RBFOX1: variants seen among roughly 807,000 people sequenced by gnomAD.
RBFOX1 encodes RNA binding fox-1 homolog 1.
A neutral mutation model predicts 57.7 loss-of-function variants in RBFOX1; 8 were observed. The ratio of observed to expected loss-of-function variants is 0.14; its 90% CI spans 0.08 to 0.25. The LOEUF (loss-of-function observed/expected upper bound fraction) is 0.25. RBFOX1 is among the 10% of genes least tolerant of loss of function. The pLI, the probability that RBFOX1 is intolerant of heterozygous loss-of-function variation, is 1.00. For synonymous variants in RBFOX1, 326 were observed against 222.4 expected (o/e 1.47, Z -4.15); for missense variants, 611 against 548.5 (o/e 1.11, Z -1.14).
chr16:7,570,818 A>G (rs528137116), intron 5 of RBFOX1, among the ~76,000 whole-genome samples: 36 of 152,366 alleles, frequency 2.4e-4, no homozygotes, highest in African/African-American at 8.7e-4. Flanking sequence ...TCACAATAGC[A>G]AAGACATGGA....
chr16:5,564,507 G>C (rs1173755075), intron 2 of RBFOX1, among the ~76,000 whole-genome samples: 2 of 152,084 alleles, frequency 1.3e-5, no homozygotes, highest in Non-Finnish European at 2.9e-5. Context: ...CATAGAACAA[G>C]TTTCATAACA....
At chr16:7,042,485 A>C (rs1018607116) in intron 3 of RBFOX1, among the ~76,000 whole-genome samples, 5 of 152,352 alleles carry the variant, frequency 3.3e-5, no homozygotes, top group African/African-American at 9.6e-5. Context: ...GCTAAAATCA[A>C]ATCAGCTAAT....
intron 4 of RBFOX1, among the ~76,000 whole-genome samples, chr16:7,427,528 CTTCTGAGACATTAGGCCATCCT>C (rs1029167148): frequency 6.6e-6 from 1 of 152,196 alleles, no homozygotes; most frequent in African/African-American, 2.4e-5. Flanking sequence ...CTCTAACCAA[CTTCTGAGACATTAGGCCATCCT>C]TTCCCCTCCA....
At chr16:5,950,240 A>G (rs188264140) in intron 4 of RBFOX1, among the ~76,000 whole-genome samples, 17 of 152,338 alleles carry the variant, frequency 1.1e-4, no homozygotes, top group African/African-American at 3.8e-4. Context: ...ACATTCACTA[A>G]GCATAAAGCT....
At chr16:6,170,581 A>T (rs1482433813) in intron 1 of RBFOX1, among the ~76,000 whole-genome samples, 1 of 152,182 alleles carries the variant, frequency 6.6e-6, no homozygotes, top group Non-Finnish European at 1.5e-5. Flanking sequence ...ATTAATTATG[A>T]TGTAGAGCTT....
At chr16:7,008,557 C>T (rs547491694) in intron 3 of RBFOX1, among the ~76,000 whole-genome samples, 1 of 151,830 alleles carries the variant, frequency 6.6e-6, no homozygotes, top group East Asian at 1.9e-4. Flanking sequence ...AAGTAGAATT[C>T]AGTGAACAAG....
At chr16:7,558,492 T>A (rs1245382878) in intron 5 of RBFOX1, among the ~76,000 whole-genome samples, 1 of 152,050 alleles carries the variant, frequency 6.6e-6, no homozygotes, top group African/African-American at 2.4e-5. Context: ...TGTGTACACA[T>A]ATTTTCGTAT....
chr16:6,108,925 C>T (rs1406159328), intron 1 of RBFOX1, among the ~76,000 whole-genome samples: 1 of 152,154 alleles, frequency 6.6e-6, no homozygotes, highest in Non-Finnish European at 1.5e-5. Context: ...AGAATAATCA[C>T]CCCATCTGAA....
intron 3 of RBFOX1, among the ~76,000 whole-genome samples, chr16:6,841,231 C>T (rs920753255): frequency 1.3e-5 from 2 of 152,040 alleles, no homozygotes; most frequent in African/African-American, 2.4e-5. Context: ...TAATAATGGT[C>T]AGTTATCCTG....
intron 1 of RBFOX1, among the ~76,000 whole-genome samples, chr16:6,218,061 T>C (rs1020138780): frequency 2.6e-5 from 4 of 152,142 alleles, no homozygotes; most frequent in African/African-American, 4.8e-5. Flanking sequence ...AGTTGTGTAA[T>C]CAGTTCTGAA....
chr16:6,086,036 A>G (rs1470834418), intron 1 of RBFOX1, among the ~76,000 whole-genome samples: 1 of 151,626 alleles, frequency 6.6e-6, no homozygotes, highest in Admixed American at 6.6e-5. Context: ...ATGTCTTCTC[A>G]TTGTTCAGCT....
chr16:6,800,482 G>A (rs533802687), intron 3 of RBFOX1, among the ~76,000 whole-genome samples: 3 of 152,078 alleles, frequency 2.0e-5, no homozygotes, highest in Non-Finnish European at 2.9e-5. Flanking sequence ...GGGTGGGGTC[G>A]GAGCATCTGC....
At chr16:7,023,470 A>G (rs980670643) in intron 3 of RBFOX1, among the ~76,000 whole-genome samples, 2 of 150,024 alleles carry the variant, frequency 1.3e-5, no homozygotes, top group African/African-American at 2.5e-5. Flanking sequence ...AAAAAAAAAA[A>G]GAGAGAAATG....
chr16:6,938,340 T>C (rs2077720058), intron 3 of RBFOX1, among the ~76,000 whole-genome samples: 1 of 152,180 alleles, frequency 6.6e-6, no homozygotes, highest in Non-Finnish European at 1.5e-5. Flanking sequence ...AACCGAAGCC[T>C]ATTGTTGGCA....
In RBFOX1 at chr16:7,193,707, C is replaced by T. The variant is rs148809418; in HGVS notation, c.27+141609C>T. On this transcript the variant is annotated intron_variant, in intron 4 of 15. Transcript: ENST00000550418. The stretch of plus-strand genomic sequence containing the variant: ...GAGCTGGTATGTGACAAAGCAGATG[C>T]TTAGTCAGAAATACAGAGCCCATGC... 1.4e-4 allele frequency among the ~76,000 whole-genome samples: 22 copies of T among 152,310 alleles called. No homozygotes were observed. The East Asian group carries it at 3.1e-3, about 21-fold the overall frequency.
At chr16:6,689,112 C>T (rs942234746) in intron 3 of RBFOX1, among the ~76,000 whole-genome samples, 9 of 152,130 alleles carry the variant, frequency 5.9e-5, no homozygotes, top group Non-Finnish European at 1.0e-4. Flanking sequence ...GTGCATATGT[C>T]TTTATAGCAG....
At chr16:7,464,246 A>C (rs1454217475) in intron 4 of RBFOX1, among the ~76,000 whole-genome samples, 1 of 152,220 alleles carries the variant, frequency 6.6e-6, no homozygotes, top group Non-Finnish European at 1.5e-5. Flanking sequence ...ACATGTATAT[A>C]ATGGTGGACA....
intron 3 of RBFOX1, among the ~76,000 whole-genome samples, chr16:5,865,848 G>A (rs928545353): frequency 6.6e-6 from 1 of 152,142 alleles, no homozygotes; most frequent in African/African-American, 2.4e-5. Context: ...TCATTGGGTT[G>A]TAGGTGGCTG....
At chr16:5,894,503 G>A (rs1170389270) in intron 4 of RBFOX1, among the ~76,000 whole-genome samples, 1 of 152,022 alleles carries the variant, frequency 6.6e-6, no homozygotes, top group Non-Finnish European at 1.5e-5. Flanking sequence ...TTGAACTCCT[G>A]ACCTCAGATA....
Sources: allele counts gnomAD v4.1 joint callset (sites outside exome capture counted in the v4.1 genomes callset), GRCh38; gene constraint gnomAD v4.1.1; transcripts MANE v1.5; gene names NCBI Gene and HGNC (gene_info 2026-07-23, HGNC 2026-07-21).